The following MCTP1 variants were observed in gnomAD, a reference collection of about 807,000 sequenced individuals.
MCTP1 encodes multiple C2 and transmembrane domain containing 1.
A neutral mutation model predicts 120.6 loss-of-function variants in MCTP1; 69 were observed. The ratio of observed to expected loss-of-function variants is 0.57; its 90% CI spans 0.47 to 0.70. The LOEUF is 0.70. Ranked by LOEUF, MCTP1 falls within the 30% of genes least tolerant of loss-of-function variation. The pLI is 0.00. For missense variants in MCTP1, 1,203 were observed against 1,248.8 expected (o/e 0.96, Z 0.55); for synonymous variants, 529 against 493.1 (o/e 1.07, Z -0.96).
At chr5:94,995,377 C>A (rs1431682949) in intron 2 of MCTP1, among the ~76,000 whole-genome samples, 2 of 152,106 alleles carry the variant, frequency 1.3e-5, no homozygotes, top group South Asian at 4.2e-4. Flanking sequence ...TACAACTACC[C>A]CTTTTCTTAG....
intron 1 of MCTP1, among the ~76,000 whole-genome samples, chr5:95,111,848 T>A (rs4869235): frequency 0.26 from 39,619 of 152,012 alleles, 5,686 homozygotes; most frequent in African/African-American, 0.37. Flanking sequence ...TTTTCTCTGA[T>A]GGATGTAATG....
At chr5:94,770,786 T>A (rs1029617309) in intron 19 of MCTP1, among the ~76,000 whole-genome samples, 13 of 152,196 alleles carry the variant, frequency 8.5e-5, no homozygotes, top group Admixed American at 8.5e-4. Context: ...TAAAATATGA[T>A]GAAGCATTAA....
intron 19 of MCTP1, among the ~76,000 whole-genome samples, chr5:94,725,777 A>G (rs1300100971): frequency 1.3e-5 from 2 of 152,186 alleles, no homozygotes; most frequent in Non-Finnish European, 2.9e-5. Flanking sequence ...CATCTGTAAA[A>G]TGAGGATAAT....
intron 19 of MCTP1, among the ~76,000 whole-genome samples, chr5:94,728,262 T>A (rs764281557): frequency 1.4e-4 from 22 of 152,298 alleles, no homozygotes; most frequent in Admixed American, 8.5e-4. Context: ...CTCAAATTCT[T>A]AAACTAGGGA....
chr5:95,137,506 T>G lies in MCTP1; in HGVS notation c.721-120022A>C, dbSNP rs184412107. On this transcript the variant is annotated intron_variant, in intron 1 of 22. Transcript: ENST00000515393. ...GCATGCAATATCTTTCAGGTCTAGA[T>G]TCTAGCAAAGATTTTGCCTCTCTTA... 5.3e-5 allele frequency among the ~76,000 whole-genome samples: 8 copies of G among 152,338 alleles called. No homozygotes were observed. The East Asian group carries it at 1.5e-3, about 29-fold the overall frequency.
chr5:95,234,449 A>G (rs557764857), intron 1 of MCTP1, among the ~76,000 whole-genome samples: 1 of 152,118 alleles, frequency 6.6e-6, no homozygotes, highest in Non-Finnish European at 1.5e-5. Flanking sequence ...CTAGATTCGA[A>G]TTTTTATCCT....
intron 1 of MCTP1, among the ~76,000 whole-genome samples, chr5:95,153,016 TAGTC>T (rs1283866039): frequency 6.6e-6 from 1 of 152,156 alleles, no homozygotes; most frequent in Non-Finnish European, 1.5e-5. Context: ...AAAGAAAACA[TAGTC>T]AGTCTCCTTA....
chr5:94,839,260 C>T (rs1269949817), intron 17 of MCTP1, among the ~76,000 whole-genome samples: 4 of 152,182 alleles, frequency 2.6e-5, no homozygotes, highest in Admixed American at 6.5e-5. Context: ...CAAGTTGAAG[C>T]TATCTCCACT....
At chr5:94,771,273 A>G (rs995200426) in intron 19 of MCTP1, among the ~76,000 whole-genome samples, 1 of 152,148 alleles carries the variant, frequency 6.6e-6, no homozygotes, top group African/African-American at 2.4e-5. Flanking sequence ...AAGTTTGTGT[A>G]TTATGTGTGT....
chr5:94,896,587 A>G (rs1804049367), intron 10 of MCTP1, among the ~76,000 whole-genome samples: 1 of 152,160 alleles, frequency 6.6e-6, no homozygotes, highest in African/African-American at 2.4e-5. Flanking sequence ...TATATTAGTC[A>G]TTGCATTTAA....
At chr5:95,047,895 T>C in intron 1 of MCTP1, among the ~76,000 whole-genome samples, 1 of 152,158 alleles carries the variant, frequency 6.6e-6, no homozygotes, top group East Asian at 1.9e-4. Flanking sequence ...AAGAGGTGGC[T>C]CCTACCCACT....
intron 5 of MCTP1, among the ~76,000 whole-genome samples, chr5:94,933,283 T>A (rs994334229): frequency 6.6e-6 from 1 of 151,858 alleles, no homozygotes; most frequent in Non-Finnish European, 1.5e-5. Flanking sequence ...GTCCAGTTCA[T>A]TTTGAAGCAA....
chr5:95,064,850 T>A (rs1196713136), intron 1 of MCTP1, among the ~76,000 whole-genome samples: 3 of 152,224 alleles, frequency 2.0e-5, no homozygotes, highest in Admixed American at 6.5e-5. Flanking sequence ...CCAAACTGAT[T>A]TAGATGTTGA....
chr5:94,867,177 G>C, intron 17 of MCTP1: 3 of 1,320,684 alleles, frequency 2.3e-6, no homozygotes, highest in Non-Finnish European at 3.0e-6. Context: ...TTATAAGAAA[G>C]AGCTACAAAA....
At chr5:95,271,576 A>G (rs954244457) in intron 1 of MCTP1, among the ~76,000 whole-genome samples, 1 of 152,140 alleles carries the variant, frequency 6.6e-6, no homozygotes, top group Admixed American at 6.5e-5. Flanking sequence ...GAAAACACTA[A>G]TGATTGATAT....
chr5:95,081,829 A>T (rs1754983355), intron 1 of MCTP1: 1 of 1,025,996 alleles, frequency 9.7e-7, no homozygotes, highest in South Asian at 4.5e-5. Flanking sequence ...CACCTGCTAA[A>T]TCAAACATGC....
At chr5:94,916,413 A>T (rs140483156) in intron 8 of MCTP1, among the ~76,000 whole-genome samples, 46 of 152,244 alleles carry the variant, frequency 3.0e-4, no homozygotes, top group African/African-American at 1.1e-3. Context: ...TACTAACAAC[A>T]CTTTTCTGTG....
intron 2 of MCTP1, among the ~76,000 whole-genome samples, chr5:95,011,153 G>A (rs187959091): frequency 1.2e-4 from 19 of 152,174 alleles, no homozygotes; most frequent in Admixed American, 4.6e-4. Flanking sequence ...TTCTTACACA[G>A]CTCATGGAGA....
chr5:95,265,240 CT>C (rs1229064526), intron 1 of MCTP1, among the ~76,000 whole-genome samples: 1 of 152,160 alleles, frequency 6.6e-6, no homozygotes, highest in Non-Finnish European at 1.5e-5. Context: ...GTACAACAAG[CT>C]TCAGTCCAAG....
Sources: allele counts gnomAD v4.1 joint callset (sites outside exome capture counted in the v4.1 genomes callset), GRCh38; gene constraint gnomAD v4.1.1; transcripts MANE v1.5; gene names NCBI Gene and HGNC (gene_info 2026-07-23, HGNC 2026-07-21).